The following LY96 variants were observed in gnomAD, a reference collection of about 807,000 sequenced individuals.
LY96 encodes the protein myeloid differentiation protein-2.
LY96 carries 18 observed loss-of-function variants against 18.9 expected under a neutral mutation model. That is an observed-to-expected ratio of 0.95 (90% CI 0.66 to 1.41). LY96 has a LOEUF of 1.41. Ranked by LOEUF, LY96 falls within the 40% of genes most tolerant of loss-of-function variation. The pLI is 0.00. For synonymous variants in LY96, 66 were observed against 62.6 expected, an observed-to-expected ratio of 1.06 and a Z score of -0.26; for missense variants, 175 against 182.4, an observed-to-expected ratio of 0.96 and a Z score of 0.23.
downstream of LY96, among the ~76,000 whole-genome samples, chr8:74,031,756 A>G (rs1002182373): frequency 3.3e-5 from 5 of 152,190 alleles, no homozygotes; most frequent in African/African-American, 1.2e-4. Context: ...CCCAGGCAAC[A>G]AAGTTACCTC....
rs930011278 is a variant in LY96, at chr8:74,008,517, A to G, written c.203-1484A>G. Among the ~76,000 whole-genome samples, 3 of 152,342 alleles carry G rather than the reference A, an allele frequency of 2.0e-5. 1 individual carries two copies. Among genetic ancestry groups the G allele is most frequent in the African/African-American group, 7.2e-5 (3 of 41,590 alleles). On this transcript the variant is annotated intron_variant, in intron 2 of 4. Coordinates refer to ENST00000284818, the MANE Select transcript of LY96 (RefSeq NM_015364.5). ...GAAAGTTGAGAAGTGAAGACAAATT[A>G]GGAAAGTTGGTGGTGCTTCAGGTTC...
chr8:74,019,233 G>A (rs1415500276), intron 3 of LY96, among the ~76,000 whole-genome samples: 1 of 151,988 alleles, frequency 6.6e-6, no homozygotes, highest in Non-Finnish European at 1.5e-5. Flanking sequence ...AATGATAAAG[G>A]GGATATCACC....
At chr8:74,005,993 AAAC>A (rs916419204) in intron 2 of LY96, among the ~76,000 whole-genome samples, 4 of 152,212 alleles carry the variant, frequency 2.6e-5, no homozygotes, top group African/African-American at 7.2e-5. Context: ...GAAAAATGAA[AAAC>A]AACAACAACA....
At chr8:74,083,805 C>G in the LY96 span, among the ~76,000 whole-genome samples, 2 of 152,070 alleles carry the variant, frequency 1.3e-5, no homozygotes, top group South Asian at 4.2e-4. Context: ...GATCCTCCTG[C>G]CTTAGCCTCC....
chr8:74,095,687 G>C, the LY96 span, among the ~76,000 whole-genome samples: 1 of 152,106 alleles, frequency 6.6e-6, no homozygotes, highest in Non-Finnish European at 1.5e-5. Flanking sequence ...TACCTCTTCT[G>C]CTGCTGGATA....
chr8:74,068,158 A>G, the LY96 span, among the ~76,000 whole-genome samples: 2 of 149,402 alleles, frequency 1.3e-5, no homozygotes, highest in African/African-American at 5.0e-5. Context: ...AGCATCTGCC[A>G]ATCTGGGTCC....
chr8:74,047,046 C>A, the LY96 span, among the ~76,000 whole-genome samples: 1 of 151,932 alleles, frequency 6.6e-6, no homozygotes. Context: ...GGATTACAGG[C>A]ACACGCCACC....
intron 1 of LY96, among the ~76,000 whole-genome samples, chr8:74,003,051 G>A (rs1422760540): frequency 6.6e-6 from 1 of 152,198 alleles, no homozygotes; most frequent in Non-Finnish European, 1.5e-5. Context: ...AGGAAGATTT[G>A]TCTTGCTCCT....
At chr8:74,096,701 T>C in the LY96 span, among the ~76,000 whole-genome samples, 2 of 152,220 alleles carry the variant, frequency 1.3e-5, no homozygotes, top group African/African-American at 2.4e-5. Context: ...GGGCGGGGAC[T>C]CTGTCTGTTT....
intron 3 of LY96, among the ~76,000 whole-genome samples, chr8:74,012,800 A>G (rs558963722): frequency 6.6e-6 from 1 of 152,162 alleles, no homozygotes; most frequent in Admixed American, 6.5e-5. Context: ...AATTATATTT[A>G]CATATAATTT....
In LY96 at chr8:74,004,655, G is replaced by A. The variant is rs148538964; in HGVS notation, c.113-141G>A. The A allele has an allele frequency of 3.9e-4, 303 of 780,460 alleles. 2 individuals are homozygous for A. In the African/African-American group the frequency reaches 4.8e-3, roughly 12 times the overall value. The allele number at this position is 780,460 out of a possible 1,614,324, so 48.3% of individuals were successfully genotyped here. A position where few individuals can be genotyped will look rare whatever the true frequency, so the allele number is the denominator to read the frequency against. On this transcript the variant is annotated intron_variant, in intron 1 of 4. Transcript: ENST00000284818. Reference sequence around the variant, plus strand: ...CACATTGCTGATGTCATTCTTCTGGGGAGATATTTTCAATCATCATCAATT... The same window carrying A: ...CACATTGCTGATGTCATTCTTCTGGAGAGATATTTTCAATCATCATCAATT...
At chr8:74,073,640 A>AATTTATTTATTTATTT in the LY96 span, among the ~76,000 whole-genome samples, 39 of 145,250 alleles carry the variant, frequency 2.7e-4, no homozygotes, top group African/African-American at 9.7e-4. Context: ...GAGATTGATG[A>AATTTATTTATTTATTT]ATTTATTTAT....
In LY96 at chr8:74,002,089, TTCTTTCTCTCTC is replaced by T. The variant is rs1193852974; in HGVS notation, c.113-2703_113-2692del. Among the ~76,000 whole-genome samples, 94 of 25,062 alleles carry T rather than the reference TTCTTTCTCTCTC, an allele frequency of 3.8e-3. 12 individuals carry two copies. Among genetic ancestry groups the T allele is most frequent in the Middle Eastern group, 0.015 (1 of 68 alleles). 16.4% of individuals were successfully genotyped at this position (25,062 alleles called of 152,430 possible). A position where few individuals can be genotyped will look rare whatever the true frequency, so the allele number is the denominator to read the frequency against. Reference sequence around the variant, plus strand: ...TTCCTTCCTTCCTTTCTTTCTTTCTTTCTTTCTCTCTCTCTCTCTCTCTCTCTCTCTCTCTCT... The same window carrying T: ...TTCCTTCCTTCCTTTCTTTCTTTCTTTCTCTCTCTCTCTCTCTCTCTCTCT... On this transcript the variant is annotated intron_variant, in intron 1 of 4. Coordinates refer to ENST00000284818, the MANE Select transcript of LY96 (RefSeq NM_015364.5).
chr8:74,079,592 A>G, the LY96 span: 1 of 152,222 alleles, frequency 6.6e-6, no homozygotes, highest in Non-Finnish European at 1.5e-5. Context: ...GAAGATTAGG[A>G]TGGCCCCAGT....
chr8:74,026,645 C>T, intron 3 of LY96, 144 bp from the exon 4 acceptor site: 2 of 638,504 alleles, frequency 3.1e-6, no homozygotes, highest in Non-Finnish European at 5.9e-6. Flanking sequence ...AGAATAGCAG[C>T]CAGGGTATAA....
the LY96 span, among the ~76,000 whole-genome samples, chr8:74,037,199 A>T: frequency 1.3e-5 from 2 of 152,178 alleles, no homozygotes; most frequent in South Asian, 4.1e-4. Context: ...GAAGGGATGG[A>T]TTCAAATTCC....
At chr8:74,056,985 A>G in the LY96 span, among the ~76,000 whole-genome samples, 2 of 152,358 alleles carry the variant, frequency 1.3e-5, no homozygotes, top group East Asian at 3.9e-4. Flanking sequence ...CTAAGTTATT[A>G]TATAAGCATT....
At chr8:74,084,352 G>T in the LY96 span, among the ~76,000 whole-genome samples, 1 of 152,146 alleles carries the variant, frequency 6.6e-6, no homozygotes, top group African/African-American at 2.4e-5. Context: ...TAATACTCCA[G>T]TTCTATCTTT....
At chr8:73,997,095 G>A (rs1003443347) in intron 1 of LY96, among the ~76,000 whole-genome samples, 2 of 152,094 alleles carry the variant, frequency 1.3e-5, no homozygotes, top group African/African-American at 2.4e-5. Flanking sequence ...GATTTTAGGC[G>A]ATCAGCCTGC....
Sources: gnomAD v4.1 joint callset for allele counts (sites outside exome capture counted in the v4.1 genomes callset) on GRCh38, gnomAD v4.1.1 for gene constraint, MANE v1.5 for transcripts, NCBI Gene and HGNC (gene_info 2026-07-23, HGNC 2026-07-21) for gene names.